DLGAP2: variants seen among roughly 807,000 people sequenced by gnomAD.
DLGAP2 encodes DLG associated protein 2, also known as disks large-associated protein 2.
Under a neutral mutation model 100.3 loss-of-function variants are expected in DLGAP2, and 26 were observed. The ratio of observed to expected loss-of-function variants is 0.26; its 90% CI spans 0.19 to 0.36. The LOEUF (loss-of-function observed/expected upper bound fraction) is 0.36, where lower values mean the gene tolerates loss of function less well. DLGAP2 is among the 10% of genes least tolerant of loss of function. The pLI, the probability that DLGAP2 is intolerant of heterozygous loss-of-function variation, is 1.00. For missense variants in DLGAP2, 1,858 were observed against 1,453.2 expected (o/e 1.28, Z -4.53); for synonymous variants, 886 against 630.1 (o/e 1.41, Z -6.08).
chr8:816,679 C>T (rs577296703), intron 1 of DLGAP2, among the ~76,000 whole-genome samples: 2 of 152,276 alleles, frequency 1.3e-5, no homozygotes, highest in South Asian at 4.1e-4. Flanking sequence ...CTTTGGATAA[C>T]CTGATGACTA....
intron 2 of DLGAP2, among the ~76,000 whole-genome samples, chr8:1,140,509 T>A (rs1453814520): frequency 6.6e-6 from 1 of 152,144 alleles, no homozygotes; most frequent in African/African-American, 2.4e-5. Context: ...AGAGGCCTCC[T>A]GGGGCTCTGG....
Position 1,129,888 on chromosome 8 carries a change from G to T in DLGAP2, c.74-128963G>T, listed in dbSNP as rs373318050. Among the ~76,000 whole-genome samples the T allele has an allele frequency of 2.6e-5, 4 of 152,324 alleles. No homozygotes were observed. In the East Asian group the frequency reaches 7.7e-4, roughly 29 times the overall value. ...CCCAGGACCACATTTGTAAAGCCTG[G>T]ATTCATGGCTGGGAACGCTGACTGT... On this transcript the variant is annotated intron_variant, in intron 2 of 14. Transcript: ENST00000637795.
chr8:1,012,588 C>T (rs1382022591), intron 2 of DLGAP2, among the ~76,000 whole-genome samples: 1 of 121,174 alleles, frequency 8.3e-6, no homozygotes, highest in African/African-American at 3.2e-5. Context: ...ACTTCAGCGG[C>T]AGTGTGGACA....
intron 3 of DLGAP2, among the ~76,000 whole-genome samples, chr8:1,407,816 T>C (rs1253957340): frequency 6.7e-6 from 1 of 149,706 alleles, no homozygotes; most frequent in Non-Finnish European, 1.5e-5. Context: ...TATTGAGTGC[T>C]TACTGAGCGC....
At chr8:901,473 T>C (rs888899660) in intron 1 of DLGAP2, among the ~76,000 whole-genome samples, 2 of 152,226 alleles carry the variant, frequency 1.3e-5, no homozygotes, top group Non-Finnish European at 1.5e-5. Context: ...TTTTGGTTGG[T>C]AGAGAGGATT....
chr8:1,181,198 G>A (rs1202379911), intron 2 of DLGAP2, among the ~76,000 whole-genome samples: 21 of 142,268 alleles, frequency 1.5e-4, no homozygotes, highest in African/African-American at 3.9e-4. Context: ...CTGTGCAAGG[G>A]CAGTACACTT....
At chr8:910,936 C>G (rs1002866153) in intron 2 of DLGAP2, among the ~76,000 whole-genome samples, 4 of 152,180 alleles carry the variant, frequency 2.6e-5, no homozygotes, top group African/African-American at 9.7e-5. Context: ...CCACTTGCTG[C>G]TGGACTTGGG....
chr8:1,533,109 T>C (rs1337695673), intron 4 of DLGAP2, among the ~76,000 whole-genome samples: 1 of 148,572 alleles, frequency 6.7e-6, no homozygotes, highest in Admixed American at 6.8e-5. Context: ...TTAAAAAATG[T>C]GCAGTTGTTA....
chr8:1,128,715 C>G (rs572233743), intron 2 of DLGAP2, among the ~76,000 whole-genome samples: 3 of 152,146 alleles, frequency 2.0e-5, no homozygotes, highest in Admixed American at 6.5e-5. Flanking sequence ...TATATACTTA[C>G]GAGCGTGTGT....
rs574981754 is a variant in DLGAP2 at position 1,328,206 on chromosome 8, A to T, written c.106+69323A>T. On this transcript the variant is annotated intron_variant, in intron 3 of 14. Transcript: ENST00000637795. ...AGGCATGTGCCACCACACCTGGCTA[A>T]TTTTTTTATTTTTTTAGTTGAGACA... is the stretch of plus-strand genomic sequence containing the variant. 2.0e-5 allele frequency among the ~76,000 whole-genome samples: 3 copies of T among 151,020 alleles called. No individual in the cohort carries two copies. The South Asian group carries it at 6.3e-4, about 32-fold the overall frequency.
chr8:1,438,882 T>C (rs1286879503), intron 3 of DLGAP2, among the ~76,000 whole-genome samples: 1 of 152,222 alleles, frequency 6.6e-6, no homozygotes, highest in African/African-American at 2.4e-5. Context: ...ATCGTAATAT[T>C]CACCTTCTCC....
chr8:1,329,930 G>T (rs185902176), intron 3 of DLGAP2, among the ~76,000 whole-genome samples: 1 of 152,228 alleles, frequency 6.6e-6, no homozygotes, highest in Non-Finnish European at 1.5e-5. Flanking sequence ...CTGCCGTGCA[G>T]TAGAACCCCA....
intron 6 of DLGAP2, among the ~76,000 whole-genome samples, chr8:1,617,741 G>A (rs1310428113): frequency 6.6e-6 from 1 of 152,094 alleles, no homozygotes; most frequent in Non-Finnish European, 1.5e-5. Flanking sequence ...CTACCATAAT[G>A]GACAGCGCAC....
chr8:1,029,674 G>A (rs1801920330), intron 2 of DLGAP2, among the ~76,000 whole-genome samples: 1 of 152,140 alleles, frequency 6.6e-6, no homozygotes, highest in African/African-American at 2.4e-5. Context: ...ACTGAGAAGA[G>A]TAACTGGGTT....
chr8:800,728 GTGTGTA>G (rs1436046497), intron 1 of DLGAP2, among the ~76,000 whole-genome samples: 4 of 151,960 alleles, frequency 2.6e-5, no homozygotes, highest in Admixed American at 2.0e-4. Context: ...ATGGGTGTTT[GTGTGTA>G]TGTGTATGTG....
chr8:854,945 A>T (rs1797249129), intron 1 of DLGAP2, among the ~76,000 whole-genome samples: 1 of 152,244 alleles, frequency 6.6e-6, no homozygotes, highest in Non-Finnish European at 1.5e-5. Context: ...TGCTGGCAGC[A>T]ACCGAGGAGC....
intron 3 of DLGAP2, among the ~76,000 whole-genome samples, chr8:1,371,631 A>G (rs760020929): frequency 6.6e-6 from 1 of 152,360 alleles, no homozygotes; most frequent in Non-Finnish European, 1.5e-5. Context: ...CTTAAATTTG[A>G]TGGTAATGAA....
intron 2 of DLGAP2, among the ~76,000 whole-genome samples, chr8:918,151 A>G (rs1259231433): frequency 1.3e-5 from 2 of 152,140 alleles, no homozygotes; most frequent in African/African-American, 2.4e-5. Context: ...ACCTCGTCTG[A>G]ATTCCGAAGG....
rs1563161036 is a variant in DLGAP2, at chr8:1,042,730, A to ATGTGG, written c.73+134764_73+134765insTGTGG. ...GTGGTGGGTGTGGGTGGTGGATGTG[A>ATGTGG]GTGGTGGATGTGGGTCGTGGATGTA... On this transcript the variant is annotated intron_variant, in intron 2 of 14. Transcript: ENST00000637795. Among the ~76,000 whole-genome samples, 28 of 91,594 alleles carry ATGTGG rather than the reference A, an allele frequency of 3.1e-4. 5 individuals carry two copies. Among genetic ancestry groups the ATGTGG allele is most frequent in the East Asian group, 2.4e-3 (8 of 3,316 alleles). 60.1% of individuals were successfully genotyped at this position (91,594 alleles called of 152,430 possible). A position where few individuals can be genotyped will look rare whatever the true frequency, so the allele number is the denominator to read the frequency against.
Sources: allele counts gnomAD v4.1 joint callset (sites outside exome capture counted in the v4.1 genomes callset), GRCh38; gene constraint gnomAD v4.1.1; transcripts MANE v1.5; gene names NCBI Gene and HGNC (gene_info 2026-07-23, HGNC 2026-07-21).